The following ANGPT1 variants were observed in gnomAD, a reference collection of about 807,000 sequenced individuals.
ANGPT1 encodes the protein angiopoietin-1.
In ANGPT1, 17 loss-of-function variants were observed where a neutral mutation model predicts 62.2. That is an observed-to-expected ratio of 0.27 (90% confidence interval 0.19 to 0.41). ANGPT1 has a LOEUF of 0.41. Ranked by LOEUF, ANGPT1 falls within the 10% of genes least tolerant of loss-of-function variation. The pLI, the probability that ANGPT1 is intolerant of heterozygous loss-of-function variation, is 1.00. For synonymous variants in ANGPT1, 199 were observed against 198.9 expected, an observed-to-expected ratio of 1.00 and a Z score of 0.00; for missense variants, 478 against 594.9, an observed-to-expected ratio of 0.80 and a Z score of 2.04.
chr8:107,312,201 G>C (rs1586212768), intron 4 of ANGPT1, among the ~76,000 whole-genome samples: 1 of 152,056 alleles, frequency 6.6e-6, no homozygotes, highest in East Asian at 1.9e-4. Context: ...TGGGCACCCT[G>C]TTGGGCAGTT....
intron 1 of ANGPT1, among the ~76,000 whole-genome samples, chr8:107,458,511 A>G (rs914644736): frequency 6.6e-6 from 1 of 152,292 alleles, no homozygotes; most frequent in East Asian, 1.9e-4. Context: ...AAGAAAAAAT[A>G]ATTTAAAATA....
intron 1 of ANGPT1, among the ~76,000 whole-genome samples, chr8:107,402,027 T>C (rs28414884): frequency 0.037 from 5,672 of 152,198 alleles, 349 homozygotes; most frequent in African/African-American, 0.13. Flanking sequence ...AAAATAATGA[T>C]GGAAAAATTC....
intron 4 of ANGPT1, among the ~76,000 whole-genome samples, chr8:107,318,914 C>T (rs1317424587): frequency 6.6e-6 from 1 of 152,044 alleles, no homozygotes; most frequent in Non-Finnish European, 1.5e-5. Context: ...TACTACATAC[C>T]TACCGGGTAG....
At chr8:107,368,153 C>A (rs1816314182) in intron 1 of ANGPT1, among the ~76,000 whole-genome samples, 1 of 152,160 alleles carries the variant, frequency 6.6e-6, no homozygotes, top group South Asian at 2.1e-4. Context: ...ATTACTCCTT[C>A]ATCCATGGGT....
intron 1 of ANGPT1, among the ~76,000 whole-genome samples, chr8:107,417,580 C>G (rs1810787194): frequency 1.3e-5 from 2 of 152,034 alleles, no homozygotes. Context: ...AATAATTTAG[C>G]ATCTGTCTAC....
intron 1 of ANGPT1, among the ~76,000 whole-genome samples, chr8:107,401,310 T>C (rs1817043859): frequency 6.6e-6 from 1 of 152,134 alleles, no homozygotes; most frequent in Non-Finnish European, 1.5e-5. Flanking sequence ...TTCCGCTTCT[T>C]GTCATTAATT....
At chr8:107,482,152 A>C (rs1179280105) in intron 1 of ANGPT1, among the ~76,000 whole-genome samples, 1 of 152,098 alleles carries the variant, frequency 6.6e-6, no homozygotes, top group Non-Finnish European at 1.5e-5. Context: ...TTTATCTTTC[A>C]ATTATTTTCT....
intron 1 of ANGPT1, among the ~76,000 whole-genome samples, chr8:107,492,166 T>C (rs974291328): frequency 1.3e-5 from 2 of 152,222 alleles, no homozygotes; most frequent in South Asian, 2.1e-4. Context: ...ATCAGAGGTC[T>C]ATTCTTCAAA....
At chr8:107,362,862 C>T (rs193145972) in intron 1 of ANGPT1, among the ~76,000 whole-genome samples, 4 of 152,250 alleles carry the variant, frequency 2.6e-5, no homozygotes, top group Admixed American at 2.6e-4. Flanking sequence ...GAGGCTTACC[C>T]AGCTTGTCTA....
intron 1 of ANGPT1, among the ~76,000 whole-genome samples, chr8:107,399,626 T>C (rs1817003426): frequency 6.6e-6 from 1 of 152,124 alleles, no homozygotes; most frequent in Non-Finnish European, 1.5e-5. Context: ...GGGCCTGTCA[T>C]AGGATAGTGG....
intron 1 of ANGPT1, among the ~76,000 whole-genome samples, chr8:107,439,920 C>T (rs1184689498): frequency 6.6e-6 from 1 of 151,988 alleles, no homozygotes; most frequent in Non-Finnish European, 1.5e-5. Flanking sequence ...TCAGTAGACT[C>T]GGTATTAGTC....
intron 1 of ANGPT1, among the ~76,000 whole-genome samples, chr8:107,376,092 G>A (rs988793266): frequency 1.3e-5 from 2 of 152,120 alleles, no homozygotes; most frequent in Admixed American, 6.5e-5. Context: ...AGCACTTCAT[G>A]AGTATGTAAC....
intron 1 of ANGPT1, among the ~76,000 whole-genome samples, chr8:107,368,088 T>C (rs1816313016): frequency 6.6e-6 from 1 of 152,212 alleles, no homozygotes; most frequent in African/African-American, 2.4e-5. Context: ...AATCATTGTC[T>C]ATGGCAGCTT....
chr8:107,477,927 A>G (rs1017294496), intron 1 of ANGPT1, among the ~76,000 whole-genome samples: 4 of 152,288 alleles, frequency 2.6e-5, no homozygotes, highest in Non-Finnish European at 5.9e-5. Context: ...GTAAGAAATA[A>G]AAATTGGTAT....
At chr8:107,289,594 A>T (rs941451714) in intron 6 of ANGPT1, among the ~76,000 whole-genome samples, 1 of 152,188 alleles carries the variant, frequency 6.6e-6, no homozygotes, top group African/African-American at 2.4e-5. Context: ...AGACTGAAAC[A>T]AATTTTGTAT....
intron 1 of ANGPT1, among the ~76,000 whole-genome samples, chr8:107,397,839 A>AT (rs1468585429): frequency 6.6e-6 from 1 of 152,110 alleles, no homozygotes; most frequent in Non-Finnish European, 1.5e-5. Flanking sequence ...GTGGAGTCCC[A>AT]TTTTTTCACT....
At chr8:107,451,129 A>T (rs942062049) in intron 1 of ANGPT1, among the ~76,000 whole-genome samples, 1 of 151,840 alleles carries the variant, frequency 6.6e-6, no homozygotes. Context: ...TTCTTAAATT[A>T]AAAAAATACT....
At chr8:107,378,911 AAT>A (rs139171299) in intron 1 of ANGPT1, among the ~76,000 whole-genome samples, 12 of 143,532 alleles carry the variant, frequency 8.4e-5, no homozygotes, top group African/African-American at 2.0e-4. Flanking sequence ...AAAATGAACA[AAT>A]ATATATATAT....
Position 107,251,669 on chromosome 8 carries a change from A to T in ANGPT1, c.*186T>A. 1.5e-6 allele frequency: 1 copy of T among 670,156 alleles called. No individual in the cohort carries two copies. The highest frequency in any genetic ancestry group is 1.8e-5 in the African/African-American group (1 of 55,186). 41.5% of individuals were successfully genotyped at this position (670,156 alleles called of 1,614,324 possible). On this transcript the variant is annotated 3_prime_UTR_variant, in exon 9 of 9. Transcript: ENST00000517746. ...CCACGTGAGCACTGTCACCCCAAGT[A>T]GAGACTCTTGTGAACTCAAACGGCT...
Sources: allele counts gnomAD v4.1 joint callset (sites outside exome capture counted in the v4.1 genomes callset), GRCh38; gene constraint gnomAD v4.1.1; transcripts MANE v1.5; gene names NCBI Gene and HGNC (gene_info 2026-07-23, HGNC 2026-07-21).